TENM1: variants seen among roughly 807,000 people sequenced by gnomAD.
TENM1 encodes the protein teneurin transmembrane protein 1.
Under a neutral mutation model 174.8 loss-of-function variants are expected in TENM1, and 35 were observed. The observed-to-expected ratio is 0.20, with a 90% CI of 0.15 to 0.27. The LOEUF is 0.27. Ranked by LOEUF, TENM1 falls within the 10% of genes least tolerant of loss-of-function variation. TENM1 has a pLI of 1.00. For synonymous variants in TENM1, 781 were observed against 798.7 expected, an observed-to-expected ratio of 0.98 and a Z score of 0.37; for missense variants, 1,633 against 2,130.1, an observed-to-expected ratio of 0.77 and a Z score of 4.59.
chrX:125,111,982 CAGTT>C, the TENM1 span, among the ~76,000 whole-genome samples: 1 of 111,524 alleles, frequency 9.0e-6, no homozygotes, highest in South Asian at 3.7e-4. Context: ...CCACCAGTAA[CAGTT>C]AGATGCTTCC....
exon 12 of TENM1, chrX:124,565,411 A>G (rs765942514): frequency 1.7e-6 from 2 of 1,207,669 alleles, no homozygotes; most frequent in South Asian, 1.8e-5. Flanking sequence ...CCAGGGCTAC[A>G]CTCACATTTT....
intron 1 of TENM1, among the ~76,000 whole-genome samples, chrX:124,945,150 G>A (rs1246660168): frequency 8.9e-6 from 1 of 111,979 alleles, no homozygotes; most frequent in Non-Finnish European, 1.9e-5. Context: ...ACCTGCATCA[G>A]GCAAGAGACC....
intron 27 of TENM1, among the ~76,000 whole-genome samples, chrX:124,399,790 G>C (rs776882786): frequency 1.8e-5 from 2 of 110,868 alleles, no homozygotes; most frequent in East Asian, 5.7e-4. Flanking sequence ...AACATGGCAA[G>C]ACCCTGTCTT....
chrX:124,641,703 A>G, intron 11 of TENM1, 88 bp downstream of exon 14: 1 of 890,018 alleles, frequency 1.1e-6, no homozygotes, highest in Non-Finnish European at 1.6e-6. Context: ...AAAGGTGTAC[A>G]GATCATATTT....
chrX:125,056,974 TCAAA>T, the TENM1 span, among the ~76,000 whole-genome samples: 1 of 110,407 alleles, frequency 9.1e-6, no homozygotes, highest in African/African-American at 3.3e-5. Flanking sequence ...AAATCCCTCT[TCAAA>T]CAAACAAAAA....
At chrX:124,953,123 G>T (rs926872469) in intron 1 of TENM1, among the ~76,000 whole-genome samples, 8 of 112,094 alleles carry the variant, frequency 7.1e-5, no homozygotes, top group Non-Finnish European at 1.1e-4. Flanking sequence ...CTGACAGGAT[G>T]ATTTCCTGAC....
intron 22 of TENM1, among the ~76,000 whole-genome samples, chrX:124,471,476 A>ATATATAGCAT (rs1364521843): frequency 1.1e-4 from 7 of 65,839 alleles, no homozygotes; most frequent in African/African-American, 4.7e-4. Context: ...ATAATATATA[A>ATATATAGCAT]TATATAATAT....
the TENM1 span, among the ~76,000 whole-genome samples, chrX:125,098,698 T>C: frequency 3.6e-5 from 4 of 112,044 alleles, no homozygotes; most frequent in African/African-American, 1.3e-4. Flanking sequence ...TGCGGGCTTG[T>C]TCTGCAGCTC....
the TENM1 span, among the ~76,000 whole-genome samples, chrX:125,166,040 T>A: frequency 1.8e-5 from 2 of 111,288 alleles, no homozygotes; most frequent in Admixed American, 1.9e-4. Flanking sequence ...TACACCCTAC[T>A]CGTTAGGGAG....
At chrX:125,051,535 C>T in the TENM1 span, among the ~76,000 whole-genome samples, 14 of 110,335 alleles carry the variant, frequency 1.3e-4, no homozygotes, top group Admixed American at 3.9e-4. Flanking sequence ...TCAGAAATAA[C>T]GCTGTATATC....
exon 1 of TENM1, chrX:124,963,753 T>A: frequency 8.3e-7 from 1 of 1,206,432 alleles, no homozygotes; most frequent in South Asian, 1.8e-5. Context: ...GTTTGCTCCA[T>A]CTCTGATTAA....
At chrX:124,757,625 C>T (rs947005109) in intron 3 of TENM1, among the ~76,000 whole-genome samples, 39 of 112,282 alleles carry the variant, frequency 3.5e-4, no homozygotes, top group African/African-American at 9.4e-4. Context: ...TGTTCCTATT[C>T]GGCCATCTTT....
chrX:124,903,617 T>C (rs1189013884), intron 1 of TENM1, among the ~76,000 whole-genome samples: 1 of 112,289 alleles, frequency 8.9e-6, no homozygotes, highest in Non-Finnish European at 1.9e-5. Context: ...TTAGACTGTA[T>C]TCACATAAGA....
chrX:125,025,947 A>G, the TENM1 span, among the ~76,000 whole-genome samples: 1 of 111,761 alleles, frequency 8.9e-6, no homozygotes, highest in African/African-American at 3.2e-5. Context: ...GTATAACACT[A>G]AATGCCTTTA....
chrX:125,198,797 G>A, the TENM1 span, among the ~76,000 whole-genome samples: 2 of 109,672 alleles, frequency 1.8e-5, no homozygotes, highest in Non-Finnish European at 3.8e-5. Flanking sequence ...TGAGGTACAG[G>A]AAATTTTAAG....
intron 4 of TENM1, among the ~76,000 whole-genome samples, chrX:124,722,033 C>T (rs1490382831): frequency 1.8e-5 from 2 of 111,906 alleles, no homozygotes; most frequent in Non-Finnish European, 1.9e-5. Context: ...AACACAACTA[C>T]CCACATTACC....
At chrX:124,551,960 G>A (rs149869463) in intron 14 of TENM1, among the ~76,000 whole-genome samples, 1,489 of 111,934 alleles carry the variant, frequency 0.013, 15 homozygotes, top group Non-Finnish European at 0.023. Flanking sequence ...TGTGTAGCAC[G>A]TTCCAGTTGT....
At chrX:124,634,544 T>C (rs755587447) in intron 11 of TENM1, among the ~76,000 whole-genome samples, 17 of 111,398 alleles carry the variant, frequency 1.5e-4, no homozygotes, top group Admixed American at 8.6e-4. Flanking sequence ...GGTGTTTGCA[T>C]TACATTTTGA....
At chrX:125,083,906 T>C in the TENM1 span, among the ~76,000 whole-genome samples, 6 of 110,827 alleles carry the variant, frequency 5.4e-5, no homozygotes, top group Non-Finnish European at 1.1e-4. Context: ...CTTATCATAT[T>C]GACATATTGT....
Sources: allele counts gnomAD v4.1 joint callset (sites outside exome capture counted in the v4.1 genomes callset), GRCh38; gene constraint gnomAD v4.1.1; transcripts MANE v1.5; gene names NCBI Gene and HGNC (gene_info 2026-07-23, HGNC 2026-07-21).